PCDHA5: variants seen among roughly 807,000 people sequenced by gnomAD.
PCDHA5 encodes the protein protocadherin alpha 5, also known as protocadherin alpha-5.
A neutral mutation model predicts 61.6 loss-of-function variants in PCDHA5; 43 were observed. The ratio of observed to expected loss-of-function variants is 0.70; its 90% CI spans 0.55 to 0.90. The LOEUF (loss-of-function observed/expected upper bound fraction) is 0.90, where lower values mean the gene tolerates loss of function less well. Among genes scored for constraint, PCDHA5 ranks in the 40% least tolerant of loss-of-function variants. The pLI, the probability that PCDHA5 is intolerant of heterozygous loss-of-function variation, is 0.00. For synonymous variants in PCDHA5, 627 were observed against 543.9 expected (o/e 1.15, Z -2.13); for missense variants, 1,298 against 1,222.7 (o/e 1.06, Z -0.92).
chr5:140,855,841 TA>T, intron 1 of PCDHA5: 2 of 638,220 alleles, frequency 3.1e-6, no homozygotes, highest in Non-Finnish European at 2.6e-6. Context: ...TACTTACACC[TA>T]AAGCCACCGG....
chr5:141,010,396 C>A lies in PCDHA5; in HGVS notation c.*459C>A. 7.5e-7 allele frequency: 1 copy of A among 1,337,260 alleles called. No individual in the cohort carries two copies. Among genetic ancestry groups the A allele is most frequent in the Non-Finnish European group, 1.0e-6 (1 of 999,990 alleles). 82.8% of individuals were successfully genotyped at this position (1,337,260 alleles called of 1,614,324 possible). On this transcript the variant is annotated 3_prime_UTR_variant, in exon 4 of 4. Coordinates refer to ENST00000529859, the MANE Select transcript of PCDHA5 (RefSeq NM_018908.3). ...GTGCCAGATATTGGCTGAGACGAGC[C>A]AGCTTAGACTAATTGGTACAAGGAA...
intron 1 of PCDHA5, among the ~76,000 whole-genome samples, chr5:140,879,151 T>C (rs1409921025): frequency 6.6e-6 from 1 of 152,216 alleles, no homozygotes; most frequent in Non-Finnish European, 1.5e-5. Flanking sequence ...GCAGGAAAGC[T>C]ATTTCTTTTT....
In PCDHA5 at chr5:140,982,208, G is replaced by A. The variant is rs146224628; in HGVS notation, c.2412-267G>A. 246 of 434,966 alleles carry A rather than the reference G, an allele frequency of 5.7e-4. 1 individual carries two copies. The highest frequency in any genetic ancestry group is 7.4e-4 in the Non-Finnish European group (200 of 268,658). 26.9% of individuals were successfully genotyped at this position (434,966 alleles called of 1,614,324 possible). ...GGGCTTCCTGTTAGATTTAGTGAGC[G>A]CCACATGGCGTTAATAAAAAACAGA... On this transcript the variant is annotated intron_variant, in intron 2 of 3. Coordinates refer to ENST00000529859, the MANE Select transcript of PCDHA5 (RefSeq NM_018908.3).
intron 1 of PCDHA5, among the ~76,000 whole-genome samples, chr5:140,972,862 T>C (rs781936892): frequency 2.0e-5 from 3 of 151,966 alleles, no homozygotes; most frequent in Non-Finnish European, 4.4e-5. Context: ...TGGGGTTTCA[T>C]CATGTTGTCC....
chr5:141,007,679 T>A (rs1362984196), intron 3 of PCDHA5, among the ~76,000 whole-genome samples: 2 of 152,186 alleles, frequency 1.3e-5, no homozygotes, highest in Admixed American at 6.5e-5. Context: ...ACAAAAGTTA[T>A]CCTACTTCCA....
chr5:140,886,602 C>A (rs1167539535), intron 1 of PCDHA5, among the ~76,000 whole-genome samples: 1 of 151,638 alleles, frequency 6.6e-6, no homozygotes, highest in Non-Finnish European at 1.5e-5. Flanking sequence ...CCAAGGTGGG[C>A]GGATCAGGAG....
intron 1 of PCDHA5, among the ~76,000 whole-genome samples, chr5:140,944,328 C>T (rs1478623361): frequency 1.3e-5 from 2 of 152,124 alleles, no homozygotes; most frequent in African/African-American, 4.8e-5. Context: ...GCTGGGATTA[C>T]AAGCACGTGC....
At chr5:140,967,996 C>T in intron 1 of PCDHA5, 2 of 1,614,214 alleles carry the variant, frequency 1.2e-6, no homozygotes, top group Non-Finnish European at 1.7e-6. Flanking sequence ...CACTGCCTTT[C>T]CGACTGAATG....
At chr5:140,913,667 G>A (rs2076425699) in intron 1 of PCDHA5, among the ~76,000 whole-genome samples, 2 of 152,000 alleles carry the variant, frequency 1.3e-5, no homozygotes, top group South Asian at 2.1e-4. Flanking sequence ...GTATAGTTAG[G>A]TTATTTAAAA....
chr5:140,900,151 G>A lies in PCDHA5; in HGVS notation c.2352+76024G>A, dbSNP rs114795695. On this transcript the variant is annotated intron_variant, in intron 1 of 3. Coordinates refer to ENST00000529859, the MANE Select transcript of PCDHA5 (RefSeq NM_018908.3). ...GTACCACAAATAAGTAAGAACATAC[G>A]ATATTTGTCTTTCTGTGCCTGGTTT... is the stretch of plus-strand genomic sequence containing the variant. Among the ~76,000 whole-genome samples, 787 of 152,242 alleles carry A rather than the reference G, an allele frequency of 5.2e-3. 9 individuals carry two copies. Among genetic ancestry groups the A allele is most frequent in the African/African-American group, 0.018 (746 of 41,554 alleles).
chr5:140,830,347 G>T (rs1771011399), intron 1 of PCDHA5: 1 of 1,613,982 alleles, frequency 6.2e-7, no homozygotes, highest in African/African-American at 1.3e-5. Context: ...CGTACTCGCA[G>T]CAGAGGCGGC....
At chr5:140,856,128 G>C in intron 1 of PCDHA5, 1 of 1,598,140 alleles carries the variant, frequency 6.3e-7, no homozygotes, top group Non-Finnish European at 8.6e-7. Context: ...GAGGTGGGGA[G>C]CGGCCAGCTC....
At chr5:140,880,045 G>A (rs1345443297) in intron 1 of PCDHA5, among the ~76,000 whole-genome samples, 2 of 152,164 alleles carry the variant, frequency 1.3e-5, no homozygotes, top group Admixed American at 6.5e-5. Flanking sequence ...GGATTAAGAT[G>A]TGGGCATAAC....
At chr5:140,861,768 T>TACAA (rs2047071882) in intron 1 of PCDHA5, 1 of 158,832 alleles carries the variant, frequency 6.3e-6, no homozygotes, top group Non-Finnish European at 1.4e-5. Flanking sequence ...TCCCTGGAAA[T>TACAA]ACCAAGAGCA....
chr5:140,881,494 A>G (rs1483226847), intron 1 of PCDHA5: 1 of 293,548 alleles, frequency 3.4e-6, no homozygotes, highest in African/African-American at 2.3e-5. Flanking sequence ...GTTTATGCAC[A>G]TACACACACT....
Position 140,855,945 on chromosome 5 carries a change from C to T in PCDHA5, c.2352+31818C>T, listed in dbSNP as rs187469272. On this transcript the variant is annotated intron_variant, in intron 1 of 3. Transcript: ENST00000529859. ...AGTAGCGTCATTCTGAGATCTCAGC[C>T]ATTTCGATAAAAAATAGATATAAGA... 8 of 1,336,226 alleles carry T rather than the reference C, an allele frequency of 6.0e-6. No individual in the cohort carries two copies. In the Admixed American group the frequency reaches 1.2e-4, roughly 20 times the overall value. 82.8% of individuals were successfully genotyped at this position (1,336,226 alleles called of 1,614,324 possible). A position where few individuals can be genotyped will look rare whatever the true frequency, so the allele number is the denominator to read the frequency against.
At chr5:140,973,449 C>CT (rs2096588066) in intron 1 of PCDHA5, among the ~76,000 whole-genome samples, 1 of 152,188 alleles carries the variant, frequency 6.6e-6, no homozygotes, top group African/African-American at 2.4e-5. Flanking sequence ...TTTATAATGA[C>CT]TGGGGCTGTT....
At chr5:140,864,187 AT>A (rs2153225210) in intron 1 of PCDHA5, 1 of 152,208 alleles carries the variant, frequency 6.6e-6, no homozygotes, top group East Asian at 1.9e-4. Context: ...ATGAATAATG[AT>A]CCTTATGAGA....
At chr5:140,929,349 A>G in intron 1 of PCDHA5, 1 of 1,530,382 alleles carries the variant, frequency 6.5e-7, no homozygotes, top group Non-Finnish European at 8.8e-7. Context: ...ATGGAATTTG[A>G]TTCCTTTGGC....
Sources: allele counts gnomAD v4.1 joint callset (sites outside exome capture counted in the v4.1 genomes callset), GRCh38; gene constraint gnomAD v4.1.1; transcripts MANE v1.5; gene names NCBI Gene and HGNC (gene_info 2026-07-23, HGNC 2026-07-21).